The following PANK1 variants were observed in gnomAD, a reference collection of about 807,000 sequenced individuals.
PANK1 encodes the protein pantothenate kinase 1, also known as pantothenic acid kinase 1.
Under a neutral mutation model 40.1 loss-of-function variants are expected in PANK1, and 18 were observed. The ratio of observed to expected loss-of-function variants is 0.45; its 90% CI spans 0.31 to 0.67. PANK1 has a LOEUF of 0.67. Among genes scored for constraint, PANK1 ranks in the 30% least tolerant of loss-of-function variants. The pLI, the probability that PANK1 is intolerant of heterozygous loss-of-function variation, is 0.06. For missense variants in PANK1, 457 were observed against 599.6 expected (o/e 0.76, Z 2.48); for synonymous variants, 242 against 237.7 (o/e 1.02, Z -0.17).
At chr10:89,608,068 G>C (rs1294216998) in intron 2 of PANK1, among the ~76,000 whole-genome samples, 1 of 144,526 alleles carries the variant, frequency 6.9e-6, no homozygotes, top group Non-Finnish European at 1.5e-5. Flanking sequence ...GTCTGGCCTC[G>C]TCGCCCCGGC....
At chr10:89,598,397 C>T (rs1844674413) in intron 3 of PANK1, among the ~76,000 whole-genome samples, 1 of 152,220 alleles carries the variant, frequency 6.6e-6, no homozygotes, top group African/African-American at 2.4e-5. Context: ...ATATCTGCAT[C>T]TATCAAAAAC....
chr10:89,630,775 A>G (rs1188756249), intron 1 of PANK1, among the ~76,000 whole-genome samples: 1 of 152,234 alleles, frequency 6.6e-6, no homozygotes, highest in African/African-American at 2.4e-5. Flanking sequence ...TACAGGCCTG[A>G]GCCACTGCGC....
intron 1 of PANK1, among the ~76,000 whole-genome samples, chr10:89,641,833 T>G (rs1001470569): frequency 6.6e-6 from 1 of 151,930 alleles, no homozygotes; most frequent in African/African-American, 2.4e-5. Flanking sequence ...GTTAAATCAG[T>G]GGCACAGCAG....
At chr10:89,599,627 C>A in intron 2 of PANK1, 122 bp from the exon 3 acceptor site, 1 of 962,728 alleles carries the variant, frequency 1.0e-6, no homozygotes, top group Non-Finnish European at 1.5e-6. Flanking sequence ...ACCCTTAAAA[C>A]AAGTTGTAAA....
At chr10:89,612,201 T>G in intron 1 of PANK1, among the ~76,000 whole-genome samples, 153 bp from the exon 2 acceptor site, 1 of 152,080 alleles carries the variant, frequency 6.6e-6, no homozygotes, top group Non-Finnish European at 1.5e-5. Flanking sequence ...GCCTAAAAGG[T>G]GGCACAGACA....
At chr10:89,582,538 G>A (rs778952655), downstream of PANK1, 22 of 152,218 alleles carry the variant, frequency 1.4e-4, no homozygotes, top group Middle Eastern at 3.4e-3. Flanking sequence ...CATGATCTGC[G>A]GAATCAAGGT....
chr10:89,586,138 C>T (rs1331709067), intron 6 of PANK1, among the ~76,000 whole-genome samples: 2 of 152,150 alleles, frequency 1.3e-5, no homozygotes, highest in African/African-American at 4.8e-5. Flanking sequence ...CTTTTTATCC[C>T]TGACAGTTTC....
chr10:89,633,524 G>T lies in PANK1; in HGVS notation c.292+11076C>A, dbSNP rs12569885. Reference sequence around the variant, plus strand: ...ATGGAACACCCTAAAAACATTAACAGCCCTTTAATTTTTTTTTTTAAATCA... The same window carrying T: ...ATGGAACACCCTAAAAACATTAACATCCCTTTAATTTTTTTTTTTAAATCA... On this transcript the variant is annotated intron_variant, in intron 1 of 6. Coordinates refer to ENST00000307534, the MANE Select transcript of PANK1 (RefSeq NM_148977.3). Among the ~76,000 whole-genome samples, 979 of 131,480 alleles carry T rather than the reference G, an allele frequency of 7.4e-3. 26 individuals are homozygous for T. Among genetic ancestry groups the T allele is most frequent in the Admixed American group, 0.053 (703 of 13,216 alleles). 86.3% of individuals were successfully genotyped at this position (131,480 alleles called of 152,430 possible).
chr10:89,635,076 A>G (rs1399870216), intron 1 of PANK1, among the ~76,000 whole-genome samples: 1 of 152,202 alleles, frequency 6.6e-6, no homozygotes, highest in Non-Finnish European at 1.5e-5. Flanking sequence ...CTGTAATTAA[A>G]TAACAGCAAT....
intron 1 of PANK1, among the ~76,000 whole-genome samples, chr10:89,622,313 G>A (rs1416178974): frequency 6.6e-6 from 1 of 152,138 alleles, no homozygotes; most frequent in Non-Finnish European, 1.5e-5. Context: ...TCAAATTAAT[G>A]TGTACCAGAT....
At chr10:89,643,794 C>T in intron 1 of PANK1, 1 of 1,608,674 alleles carries the variant, frequency 6.2e-7, no homozygotes, top group Non-Finnish European at 8.5e-7. Context: ...TAAACTCGAC[C>T]TACAAATTTA....
rs567666972 is a variant in PANK1, at chr10:89,589,446, T to G, written c.1201-669A>C. Among the ~76,000 whole-genome samples, 5 of 152,292 alleles carry G rather than the reference T, an allele frequency of 3.3e-5. No individual in the cohort carries two copies. The East Asian group carries it at 9.6e-4, about 29-fold the overall frequency. ...CAGACATGCTTCAAATCCCGTAAGCTTCTAGCTCCAGTGCACTCGTTATAC... is the reference window on the plus strand; with the variant it reads ...CAGACATGCTTCAAATCCCGTAAGCGTCTAGCTCCAGTGCACTCGTTATAC... On this transcript the variant is annotated intron_variant, in intron 5 of 6. Coordinates refer to ENST00000307534, the MANE Select transcript of PANK1 (RefSeq NM_148977.3).
chr10:89,604,825 G>C (rs1259566733), intron 2 of PANK1, among the ~76,000 whole-genome samples: 1 of 151,330 alleles, frequency 6.6e-6, no homozygotes, highest in Non-Finnish European at 1.5e-5. Context: ...ATCTCGGCTC[G>C]CTGCAAGCTC....
intron 3 of PANK1, among the ~76,000 whole-genome samples, chr10:89,597,095 A>G (rs1844633080): frequency 6.6e-6 from 1 of 152,218 alleles, no homozygotes. Flanking sequence ...TTTAATGGGA[A>G]AATCAGGTAT....
chr10:89,603,687 T>TA (rs1313037924), intron 2 of PANK1, among the ~76,000 whole-genome samples: 4 of 152,136 alleles, frequency 2.6e-5, no homozygotes, highest in African/African-American at 9.7e-5. Flanking sequence ...CAAAGTTACT[T>TA]AAGTAAGTAG....
At chr10:89,610,830 TTTTG>T in intron 2 of PANK1, among the ~76,000 whole-genome samples, 1 of 152,354 alleles carries the variant, frequency 6.6e-6, no homozygotes, top group East Asian at 1.9e-4. Context: ...GTTCAATCAC[TTTTG>T]TTTATCTAGC....
chr10:89,587,645 A>G (rs1844236225), intron 6 of PANK1, among the ~76,000 whole-genome samples: 1 of 152,244 alleles, frequency 6.6e-6, no homozygotes, highest in Non-Finnish European at 1.5e-5. Flanking sequence ...CAGGACTCCA[A>G]TCGGAGAAAC....
At chr10:89,622,902 CAACA>C (rs1323976453) in intron 1 of PANK1, among the ~76,000 whole-genome samples, 1 of 150,796 alleles carries the variant, frequency 6.6e-6, no homozygotes, top group Non-Finnish European at 1.5e-5. Context: ...TATTGTACAA[CAACA>C]GAGGGCTAAT....
chr10:89,593,261 C>T lies in PANK1; in HGVS notation c.1136G>A (p.Arg379Gln), dbSNP rs775269190. The T allele has an allele frequency of 6.8e-6, 11 of 1,613,576 alleles. No individual in the cohort carries two copies. Among genetic ancestry groups the T allele is most frequent in the Middle Eastern group, 1.6e-4 (1 of 6,076 alleles). ...GTTGGTGATGGTGACCAATGTGGCC[C>T]GGGCGAGGTCTTCCTTGCTGATGGA... Reference protein sequence around the residue: ...RDSISKEDLARATLVTITNNI... With the variant: ...RDSISKEDLAQATLVTITNNI... The change falls in exon 5 of 7, where the codon CGG becomes CAG. Residue 379 changes from arginine (R) to glutamine (Q), a missense_variant. Arg to Gln is a conservative substitution (Grantham distance 43). This residue lies in a region of PANK1 where 286 missense variants were observed against 415.8 expected (regional missense o/e 0.69). Coordinates refer to ENST00000307534, the MANE Select transcript of PANK1 (RefSeq NM_148977.3).
Sources: allele counts gnomAD v4.1 joint callset (sites outside exome capture counted in the v4.1 genomes callset), GRCh38; gene constraint gnomAD v4.1.1; regional missense constraint gnomAD v4.1.1; transcripts MANE v1.5; gene names NCBI Gene and HGNC (gene_info 2026-07-23, HGNC 2026-07-21).